The following PPP2R5B variants were observed in gnomAD, a reference collection of about 807,000 sequenced individuals.
PPP2R5B encodes the protein protein phosphatase 2 regulatory subunit B'beta.
In PPP2R5B, 19 loss-of-function variants were observed where a neutral mutation model predicts 59.9. The observed-to-expected ratio is 0.32, with a 90% confidence interval of 0.22 to 0.47. PPP2R5B has a LOEUF of 0.47. PPP2R5B is among the 20% of genes least tolerant of loss of function. The pLI is 1.00. For missense variants in PPP2R5B, 441 were observed against 640.2 expected (o/e 0.69, Z 3.36); for synonymous variants, 286 against 260.5 (o/e 1.10, Z -0.94).
At chr11:64,932,403 C>T (rs919500137) in intron 11 of PPP2R5B, among the ~76,000 whole-genome samples, 6 of 152,180 alleles carry the variant, frequency 3.9e-5, no homozygotes, top group Admixed American at 6.5e-5. Context: ...TCTGGCACTT[C>T]GGTTCATTAA....
upstream of PPP2R5B, among the ~76,000 whole-genome samples, chr11:64,920,264 G>A (rs1385015264): frequency 6.6e-6 from 1 of 152,182 alleles, no homozygotes; most frequent in African/African-American, 2.4e-5. Flanking sequence ...TCCAGTGAGG[G>A]AGACCCCAGG....
At chr11:64,933,058 G>A in intron 12 of PPP2R5B, 87 bp from the exon 13 acceptor site, 1 of 1,492,526 alleles carries the variant, frequency 6.7e-7, no homozygotes, top group Non-Finnish European at 9.3e-7. Context: ...GTGTTCAGGT[G>A]GAATGCTGTA....
Position 64,931,693 on chromosome 11 carries a change from G to C in PPP2R5B, c.997-56G>C. 6.2e-7 allele frequency: 1 copy of C among 1,613,928 alleles called. No homozygotes were observed. Among genetic ancestry groups the C allele is most frequent in the Non-Finnish European group, 8.5e-7 (1 of 1,179,910 alleles). ...AGGCAGTCAGGTGTGTGTATGTGTAGGGGGAGATGTGAGCTGCTGCCCCTC... is the reference window on the plus strand; with the variant it reads ...AGGCAGTCAGGTGTGTGTATGTGTACGGGGAGATGTGAGCTGCTGCCCCTC... On this transcript the variant is annotated intron_variant, in intron 10 of 13. Coordinates refer to ENST00000164133, the MANE Select transcript of PPP2R5B (RefSeq NM_006244.4). This position sits in a 1 kb window ranked among gnomAD's most constrained non-coding sequence, Gnocchi z 5.0.
At position 64,930,244 on chromosome 11, in the gene PPP2R5B, G is replaced by A. The variant is rs1945213985; in HGVS notation, c.723-78G>A. The A allele has an allele frequency of 2.7e-6, 4 of 1,491,654 alleles. No individual in the cohort carries two copies. In the African/African-American group the frequency reaches 5.5e-5, roughly 21 times the overall value. 92.4% of individuals were successfully genotyped at this position (1,491,654 alleles called of 1,614,324 possible). On this transcript the variant is annotated intron_variant, in intron 6 of 13. Transcript: ENST00000164133. Reference sequence around the variant, plus strand: ...TGGATGAGCGTGCCGTGCAGGTGAGGGTGGGCAGGCAGGATGCCTAAGGGG... The same window carrying A: ...TGGATGAGCGTGCCGTGCAGGTGAGAGTGGGCAGGCAGGATGCCTAAGGGG...
rs1198666545 is a variant in PPP2R5B at position 64,931,907 on chromosome 11, C to T, written c.1116+39C>T. On this transcript the variant is annotated intron_variant, in intron 11 of 13. Coordinates refer to ENST00000164133, the MANE Select transcript of PPP2R5B (RefSeq NM_006244.4). The surrounding 1 kb of genome is among the most constrained non-coding windows in gnomAD (Gnocchi z 5.0). ...CAGGCGGGGATGGGAGCAGGGCTGG[C>T]CTGGAAAGGTTGGGTAGCTGACCTA... 6 of 1,602,006 alleles carry T rather than the reference C, an allele frequency of 3.7e-6. No individual in the cohort carries two copies. The African/African-American group carries it at 5.4e-5, about 14-fold the overall frequency.
chr11:64,928,746 C>T (rs1024905611), intron 6 of PPP2R5B, among the ~76,000 whole-genome samples: 18 of 152,110 alleles, frequency 1.2e-4, no homozygotes, highest in East Asian at 5.8e-4. Context: ...TAGCCGGGCG[C>T]GGTGGCGGGC....
At chr11:64,919,607 C>T (rs539524893) in intron 1 of PPP2R5B, among the ~76,000 whole-genome samples, 3 of 151,938 alleles carry the variant, frequency 2.0e-5, no homozygotes, top group East Asian at 1.9e-4. Flanking sequence ...AAAAATTAGC[C>T]GGGCGTGGTG....
At chr11:64,930,962 C>G (rs1391160315) in intron 8 of PPP2R5B, among the ~76,000 whole-genome samples, 1 of 152,138 alleles carries the variant, frequency 6.6e-6, no homozygotes, top group African/African-American at 2.4e-5. Context: ...AAGCCTCTAC[C>G]TGCTGGGCTC....
At position 64,925,154 on chromosome 11, in the gene PPP2R5B, T is replaced by A. The variant is rs746733171; in HGVS notation, c.-265+126T>A. The A allele has an allele frequency of 5.2e-5, 8 of 152,680 alleles. No individual in the cohort carries two copies. Among genetic ancestry groups the A allele is most frequent in the African/African-American group, 7.2e-5 (3 of 41,398 alleles). The allele number at this position is 152,680 out of a possible 1,614,324, so 9.5% of individuals were successfully genotyped here. On this transcript the variant is annotated intron_variant, in intron 1 of 13. Coordinates refer to ENST00000164133, the MANE Select transcript of PPP2R5B (RefSeq NM_006244.4). The surrounding 1 kb of genome is among the most constrained non-coding windows in gnomAD (Gnocchi z 4.6). ...CCTCCAGTCTTGGGGTTGTCCCAAG[T>A]GGCCGGGATTAGTGGAGCAGCGATG... is the stretch of plus-strand genomic sequence containing the variant.
upstream of PPP2R5B, among the ~76,000 whole-genome samples, chr11:64,922,192 A>AAAT (rs796668645): frequency 6.6e-6 from 1 of 150,994 alleles, no homozygotes; most frequent in Non-Finnish European, 1.5e-5. Context: ...AAAAATAAAA[A>AAAT]AATAAAATAA....
Position 64,931,687 on chromosome 11 carries a change from T to G in PPP2R5B, c.997-62T>G. ...TCTAGAAGGCAGTCAGGTGTGTGTA[T>G]GTGTAGGGGGAGATGTGAGCTGCTG... is the stretch of plus-strand genomic sequence containing the variant. On this transcript the variant is annotated intron_variant, in intron 10 of 13. Transcript: ENST00000164133. The surrounding 1 kb of genome is among the most constrained non-coding windows in gnomAD (Gnocchi z 5.0). The G allele has an allele frequency of 6.2e-7, 1 of 1,613,856 alleles. No individual in the cohort carries two copies. Among genetic ancestry groups the G allele is most frequent in the Non-Finnish European group, 8.5e-7 (1 of 1,179,934 alleles).
chr11:64,928,972 A>G (rs1286464054), intron 6 of PPP2R5B, among the ~76,000 whole-genome samples: 2 of 152,120 alleles, frequency 1.3e-5, no homozygotes, highest in African/African-American at 4.8e-5. Context: ...TCTCAAAAAA[A>G]AAAAGAAAAG....
At position 64,925,569 on chromosome 11, in the gene PPP2R5B, G is replaced by A; in HGVS notation, c.-166G>A. ...CTACCCTGTCTGCCCCCCAGGACTGGGCAGTTGCAGGAGGCCCTGGGGGGG... is the reference window on the plus strand; with the variant it reads ...CTACCCTGTCTGCCCCCCAGGACTGAGCAGTTGCAGGAGGCCCTGGGGGGG... On this transcript the variant is annotated 5_prime_UTR_variant, in exon 2 of 14. Transcript: ENST00000164133. The surrounding 1 kb of genome is among the most constrained non-coding windows in gnomAD (Gnocchi z 4.6). The A allele has an allele frequency of 1.7e-6, 1 of 589,980 alleles. No individual in the cohort carries two copies. The highest frequency in any genetic ancestry group is 3.0e-6 in the Non-Finnish European group (1 of 330,878). The allele number at this position is 589,980 out of a possible 1,614,324, so 36.5% of individuals were successfully genotyped here.
chr11:64,930,392 C>CT lies in PPP2R5B; in HGVS notation c.782+12dup. ...GGAGATCCTAGGAAGGTGATTCTCC[C>CT]TGGGCCTCAGCTGGAGCTCAGGATT... On this transcript the variant is annotated intron_variant, in intron 7 of 13. Transcript: ENST00000164133. 6.2e-7 allele frequency: 1 copy of CT among 1,614,060 alleles called. No homozygotes were observed. Among genetic ancestry groups the CT allele is most frequent in the Non-Finnish European group, 8.5e-7 (1 of 1,179,940 alleles).
In PPP2R5B at chr11:64,925,614, G is replaced by GTCC; in HGVS notation, c.-121_-120insTCC. The GTCC allele has an allele frequency of 2.2e-6, 1 of 450,338 alleles. No homozygotes were observed. Among genetic ancestry groups the GTCC allele is most frequent in the Non-Finnish European group, 4.0e-6 (1 of 252,210 alleles). 27.9% of individuals were successfully genotyped at this position (450,338 alleles called of 1,614,324 possible). ...GGGGGGGGCCCAGGACTGTGGTTGT[G>GTCC]CCCCCCCCCCAAAGGCCGGACAGGA... On this transcript the variant is annotated 5_prime_UTR_variant, in exon 2 of 14. Transcript: ENST00000164133. This position sits in a 1 kb window ranked among gnomAD's most constrained non-coding sequence, Gnocchi z 4.6.
chr11:64,930,304 T>C lies in PPP2R5B; in HGVS notation c.723-18T>C. On this transcript the variant is annotated intron_variant, in intron 6 of 13. Coordinates refer to ENST00000164133, the MANE Select transcript of PPP2R5B (RefSeq NM_006244.4). ...CTACCCTGCTTGCTTTGAGCCCACC[T>C]GCGTTCTTCTCTTGCAGGTTCATCT... is the stretch of plus-strand genomic sequence containing the variant. 1 of 1,613,896 alleles carries C rather than the reference T, an allele frequency of 6.2e-7. No individual in the cohort carries two copies.
chr11:64,929,956 G>A (rs1370199649), intron 6 of PPP2R5B, among the ~76,000 whole-genome samples: 1 of 152,154 alleles, frequency 6.6e-6, no homozygotes, highest in Non-Finnish European at 1.5e-5. Context: ...TTATTTAACC[G>A]CTGAGTCTTG....
chr11:64,928,040 C>A (rs374171324), intron 4 of PPP2R5B, 26 bp from the exon 5 acceptor site: 1 of 1,610,516 alleles, frequency 6.2e-7, no homozygotes, highest in South Asian at 1.1e-5. Flanking sequence ...ACTGAACTCA[C>A]CTTTTTGTCT....
At chr11:64,926,563 T>G in intron 2 of PPP2R5B, 149 bp from the exon 3 acceptor site, 1 of 772,804 alleles carries the variant, frequency 1.3e-6, no homozygotes, top group Non-Finnish European at 2.0e-6. Flanking sequence ...AGTAGTTGTT[T>G]GCTGTCTGCA....
Sources: allele counts gnomAD v4.1 joint callset (sites outside exome capture counted in the v4.1 genomes callset), GRCh38; gene constraint gnomAD v4.1.1; non-coding constraint Gnocchi (gnomAD v3.1); transcripts MANE v1.5; gene names NCBI Gene and HGNC (gene_info 2026-07-23, HGNC 2026-07-21).